Variants in PTPRT observed in about 807,000 individuals in gnomAD.
The protein encoded by PTPRT is protein tyrosine phosphatase receptor type T.
A neutral mutation model predicts 176.8 loss-of-function variants in PTPRT; 56 were observed. That is an observed-to-expected ratio of 0.32 (90% CI 0.26 to 0.40). The LOEUF (loss-of-function observed/expected upper bound fraction) is 0.40, where lower values mean the gene tolerates loss of function less well. PTPRT is among the 10% of genes least tolerant of loss of function. PTPRT has a pLI of 1.00. For missense variants in PTPRT, 1,540 were observed against 1,908.2 expected (o/e 0.81, Z 3.60); for synonymous variants, 783 against 739.0 (o/e 1.06, Z -0.96).
intron 2 of PTPRT, among the ~76,000 whole-genome samples, chr20:42,882,977 G>A (rs899260869): frequency 6.6e-6 from 1 of 152,212 alleles, no homozygotes; most frequent in Admixed American, 6.5e-5. Context: ...CTGGCAATTG[G>A]CAGAAGCCAG....
intron 7 of PTPRT, among the ~76,000 whole-genome samples, chr20:42,547,626 A>G (rs2072698373): frequency 6.6e-6 from 1 of 152,084 alleles, no homozygotes; most frequent in African/African-American, 2.4e-5. Flanking sequence ...GTTAAAGGTT[A>G]TACCTAAAAC....
At chr20:42,957,362 A>G (rs1981705764) in intron 1 of PTPRT, among the ~76,000 whole-genome samples, 1 of 152,220 alleles carries the variant, frequency 6.6e-6, no homozygotes, top group Non-Finnish European at 1.5e-5. Context: ...TTTTTCATAT[A>G]GCTGTAGGTA....
intron 1 of PTPRT, among the ~76,000 whole-genome samples, chr20:43,016,533 T>C (rs1450543739): frequency 6.8e-6 from 1 of 146,686 alleles, no homozygotes; most frequent in Non-Finnish European, 1.5e-5. Flanking sequence ...TGCTCATTTC[T>C]CTAACTGCTC....
At chr20:42,987,277 G>A (rs972531145) in intron 1 of PTPRT, among the ~76,000 whole-genome samples, 1 of 152,172 alleles carries the variant, frequency 6.6e-6, no homozygotes, top group African/African-American at 2.4e-5. Flanking sequence ...CTGGCCACAT[G>A]AGGCTACTTG....
intron 12 of PTPRT, among the ~76,000 whole-genome samples, chr20:42,293,008 A>G (rs1174407478): frequency 3.9e-5 from 6 of 152,204 alleles, no homozygotes; most frequent in African/African-American, 1.4e-4. Context: ...GTTGCAGGAT[A>G]GGTGGCTATT....
chr20:43,188,463 A>G (rs1246927244), intron 1 of PTPRT, among the ~76,000 whole-genome samples: 1 of 152,168 alleles, frequency 6.6e-6, no homozygotes, highest in East Asian at 1.9e-4. Context: ...CCTCAGACGC[A>G]GCTTGTGCAA....
chr20:42,262,361 G>A (rs1016354323), intron 13 of PTPRT, among the ~76,000 whole-genome samples: 13 of 152,158 alleles, frequency 8.5e-5, no homozygotes, highest in African/African-American at 2.2e-4. Context: ...TCTTCCCTAT[G>A]ACTGCCCACG....
chr20:42,972,350 G>C (rs1251383244), intron 1 of PTPRT, among the ~76,000 whole-genome samples: 1 of 151,402 alleles, frequency 6.6e-6, no homozygotes, highest in African/African-American at 2.4e-5. Flanking sequence ...AGGTGATGTG[G>C]GGCTCTACAA....
intron 7 of PTPRT, among the ~76,000 whole-genome samples, chr20:42,575,099 C>T (rs765584763): frequency 3.3e-5 from 5 of 152,012 alleles, no homozygotes; most frequent in Non-Finnish European, 5.9e-5. Flanking sequence ...GAAAAAGGAC[C>T]GACTGGTGCA....
At chr20:42,342,433 C>T (rs73265792) in intron 11 of PTPRT, among the ~76,000 whole-genome samples, 2,011 of 152,254 alleles carry the variant, frequency 0.013, 34 homozygotes, top group African/African-American at 0.047. Context: ...CCCCCTAACC[C>T]CCAATACACC....
chr20:42,895,458 A>G (rs1250215377), intron 1 of PTPRT, among the ~76,000 whole-genome samples: 1 of 152,270 alleles, frequency 6.6e-6, no homozygotes, highest in East Asian at 1.9e-4. Context: ...TTTGTCATTC[A>G]CTAAGATAAG....
intron 9 of PTPRT, among the ~76,000 whole-genome samples, chr20:42,402,483 TAAA>T (rs3061921): frequency 2.3e-4 from 22 of 95,146 alleles, no homozygotes; most frequent in African/African-American, 4.1e-4. Flanking sequence ...ATAGTGCAGT[TAAA>T]AAAAAAAAAA....
intron 9 of PTPRT, among the ~76,000 whole-genome samples, chr20:42,386,849 G>A (rs1267672211): frequency 6.6e-6 from 1 of 152,104 alleles, no homozygotes; most frequent in African/African-American, 2.4e-5. Context: ...GACAGAGTGA[G>A]ACTCCGTCTC....
At chr20:42,539,776 G>A (rs1371003652) in intron 7 of PTPRT, among the ~76,000 whole-genome samples, 1 of 151,924 alleles carries the variant, frequency 6.6e-6, no homozygotes, top group Non-Finnish European at 1.5e-5. Context: ...AAAAGCTCTT[G>A]GAAATTAAAA....
intron 1 of PTPRT, among the ~76,000 whole-genome samples, chr20:42,901,822 C>T (rs1178432080): frequency 6.6e-6 from 1 of 152,184 alleles, no homozygotes; most frequent in Non-Finnish European, 1.5e-5. Context: ...CAGAGTACAG[C>T]AAAGTATGAC....
At chr20:42,054,736 T>C in the PTPRT span, among the ~76,000 whole-genome samples, 1 of 152,216 alleles carries the variant, frequency 6.6e-6, no homozygotes, top group African/African-American at 2.4e-5. Flanking sequence ...AGGCCATTCA[T>C]AGAAGGTCTA....
At chr20:42,909,063 A>T (rs1336544036) in intron 1 of PTPRT, among the ~76,000 whole-genome samples, 1 of 152,122 alleles carries the variant, frequency 6.6e-6, no homozygotes, top group Non-Finnish European at 1.5e-5. Context: ...GCTGAGGTGG[A>T]AGGATCACTT....
intron 1 of PTPRT, among the ~76,000 whole-genome samples, chr20:43,141,581 C>G (rs1311871701): frequency 6.6e-6 from 1 of 152,150 alleles, no homozygotes; most frequent in African/African-American, 2.4e-5. Context: ...AGCCACGTGT[C>G]CAAGCCCAGA....
intron 1 of PTPRT, among the ~76,000 whole-genome samples, chr20:42,945,906 T>C (rs1980855857): frequency 6.6e-6 from 1 of 152,106 alleles, no homozygotes; most frequent in African/African-American, 2.4e-5. Context: ...TAGTAACCAA[T>C]AATCTGCCTT....
Sources: allele counts gnomAD v4.1 joint callset (sites outside exome capture counted in the v4.1 genomes callset), GRCh38; gene constraint gnomAD v4.1.1; transcripts MANE v1.5; gene names NCBI Gene and HGNC (gene_info 2026-07-23, HGNC 2026-07-21).